The following DGAT2 variants were observed in gnomAD, a reference collection of about 807,000 sequenced individuals.
DGAT2 encodes the protein acyl-CoA retinol O-fatty-acyltransferase.
In DGAT2, 33 loss-of-function variants were observed where a neutral mutation model predicts 48.4. The ratio of observed to expected loss-of-function variants is 0.68; its 90% CI spans 0.52 to 0.91. The LOEUF is 0.91. Ranked by LOEUF, DGAT2 falls within the 40% of genes least tolerant of loss-of-function variation. The probability of loss-of-function intolerance (pLI) is 0.00; values close to 1 mark genes in which losing one functional copy is unlikely to be tolerated. For missense variants in DGAT2, 446 were observed against 493.7 expected (o/e 0.90, Z 0.92); for synonymous variants, 191 against 194.1 (o/e 0.98, Z 0.13).
intron 2 of DGAT2, among the ~76,000 whole-genome samples, chr11:75,786,816 C>T (rs1242406862): frequency 6.6e-6 from 1 of 152,230 alleles, no homozygotes; most frequent in Non-Finnish European, 1.5e-5. Context: ...AGAGATTTTT[C>T]ACCACTTTGT....
At chr11:75,769,813 C>G (rs1310259067) in intron 1 of DGAT2, among the ~76,000 whole-genome samples, 1 of 152,046 alleles carries the variant, frequency 6.6e-6, no homozygotes, top group Non-Finnish European at 1.5e-5. Context: ...ATGCCTTGAC[C>G]CCTGGATTCA....
In DGAT2 at chr11:75,800,790, A is replaced by G. The variant is rs1945105309; in HGVS notation, c.*282A>G. ...CTTCCTGAAGTGACAAAGGAAACTC[A>G]GTCTTCTTGGGGAAGAAGGATTGCC... On this transcript the variant is annotated 3_prime_UTR_variant, in exon 8 of 8. Transcript: ENST00000228027. The G allele has an allele frequency of 5.5e-6, 2 of 365,286 alleles. No individual in the cohort carries two copies. The highest frequency in any genetic ancestry group is 2.1e-5 in the African/African-American group (1 of 47,068). The allele number at this position is 365,286 out of a possible 1,614,324, so 22.6% of individuals were successfully genotyped here.
At chr11:75,792,512 C>T (rs997289208) in intron 4 of DGAT2, 2 of 152,120 alleles carry the variant, frequency 1.3e-5, no homozygotes, top group Admixed American at 1.3e-4. Flanking sequence ...TTTTCCTGGC[C>T]TCTTGCCAGT....
At chr11:75,784,825 C>G in intron 2 of DGAT2, 79 bp downstream of exon 2, 1 of 1,588,876 alleles carries the variant, frequency 6.3e-7, no homozygotes, top group Non-Finnish European at 8.6e-7. Flanking sequence ...GAGCCCTGCT[C>G]TACAGGGGTG....
intron 1 of DGAT2, among the ~76,000 whole-genome samples, chr11:75,782,184 C>T (rs563113130): frequency 8.5e-5 from 13 of 152,278 alleles, no homozygotes; most frequent in Middle Eastern, 3.4e-3. Context: ...TGGTGTTCCC[C>T]GGTGCTGTGT....
At chr11:75,785,096 C>CTCA (rs952711704) in intron 2 of DGAT2, among the ~76,000 whole-genome samples, 1 of 152,196 alleles carries the variant, frequency 6.6e-6, no homozygotes, top group Non-Finnish European at 1.5e-5. Flanking sequence ...TGCCACCCTG[C>CTCA]CCACCAACAG....
At chr11:75,786,045 A>G (rs894341606) in intron 2 of DGAT2, among the ~76,000 whole-genome samples, 1 of 152,238 alleles carries the variant, frequency 6.6e-6, no homozygotes, top group Non-Finnish European at 1.5e-5. Context: ...GGGGGGATCC[A>G]TGAACCCTTA....
At chr11:75,780,998 T>C (rs1475735869) in intron 1 of DGAT2, among the ~76,000 whole-genome samples, 1 of 152,228 alleles carries the variant, frequency 6.6e-6, no homozygotes, top group Non-Finnish European at 1.5e-5. Context: ...GATCCAGATA[T>C]GGATCAGACC....
At chr11:75,798,158 G>T (rs1003523582) in intron 6 of DGAT2, 69 bp from the exon 7 acceptor site, 4 of 1,536,676 alleles carry the variant, frequency 2.6e-6, no homozygotes, top group African/African-American at 2.7e-5. Context: ...AGTGTCCAGG[G>T]CCTCTAGGCT....
intron 1 of DGAT2, among the ~76,000 whole-genome samples, chr11:75,784,029 G>C (rs181459900): frequency 8.5e-5 from 13 of 152,220 alleles, no homozygotes; most frequent in African/African-American, 1.2e-4. Flanking sequence ...ACATCTCTCT[G>C]AAAGTGGTAG....
In DGAT2 at chr11:75,800,778, C is replaced by T. The variant is rs1326959246; in HGVS notation, c.*270C>T. On this transcript the variant is annotated 3_prime_UTR_variant, in exon 8 of 8. Transcript: ENST00000228027. ...CTCTCTTCTTCCCTTCCTGAAGTGACAAAGGAAACTCAGTCTTCTTGGGGA... is the reference window on the plus strand; with the variant it reads ...CTCTCTTCTTCCCTTCCTGAAGTGATAAAGGAAACTCAGTCTTCTTGGGGA... The T allele has an allele frequency of 2.6e-6, 1 of 387,632 alleles. No individual in the cohort carries two copies. The highest frequency in any genetic ancestry group is 4.7e-6 in the Non-Finnish European group (1 of 212,930). 24.0% of individuals were successfully genotyped at this position (387,632 alleles called of 1,614,324 possible). A position where few individuals can be genotyped will look rare whatever the true frequency, so the allele number is the denominator to read the frequency against.
Position 75,773,006 on chromosome 11 carries a change from A to C in DGAT2, c.121+3894A>C, listed in dbSNP as rs543319425. On this transcript the variant is annotated intron_variant, in intron 1 of 7. Coordinates refer to ENST00000228027, the MANE Select transcript of DGAT2 (RefSeq NM_032564.5). ...CTCCATCTCAAAACAAAACAAAAAG[A>C]ACAAACAGAAAAAGAATATGAGTCC... 2.0e-5 allele frequency among the ~76,000 whole-genome samples: 3 copies of C among 152,332 alleles called. No individual in the cohort carries two copies. The South Asian group carries it at 6.2e-4, about 32-fold the overall frequency.
At chr11:75,778,424 A>G (rs557439892) in intron 1 of DGAT2, among the ~76,000 whole-genome samples, 28 of 152,296 alleles carry the variant, frequency 1.8e-4, no homozygotes, top group African/African-American at 6.0e-4. Context: ...AGCCTCTGGA[A>G]AAACTCTGCT....
intron 1 of DGAT2, among the ~76,000 whole-genome samples, chr11:75,777,433 C>A (rs1438645013): frequency 6.6e-6 from 1 of 152,202 alleles, no homozygotes; most frequent in Admixed American, 6.5e-5. Flanking sequence ...ACCCATCAAA[C>A]AGGAGAGGAC....
intron 1 of DGAT2, among the ~76,000 whole-genome samples, chr11:75,769,446 TGGTATG>T (rs1182333610): frequency 6.6e-6 from 1 of 151,896 alleles, no homozygotes; most frequent in African/African-American, 2.4e-5. Flanking sequence ...ATGGGCAGGA[TGGTATG>T]GGTTTTGCCG....
chr11:75,785,921 T>C (rs1039322875), intron 2 of DGAT2, among the ~76,000 whole-genome samples: 5 of 152,238 alleles, frequency 3.3e-5, no homozygotes, highest in Non-Finnish European at 7.3e-5. Flanking sequence ...GTTGGGATTT[T>C]AGCAGAAACT....
chr11:75,771,793 A>G lies in DGAT2; in HGVS notation c.121+2681A>G, dbSNP rs147853708. 4.6e-3 allele frequency among the ~76,000 whole-genome samples: 706 copies of G among 152,292 alleles called. 4 individuals carry two copies. Among genetic ancestry groups the G allele is most frequent in the African/African-American group, 0.016 (645 of 41,548 alleles). On this transcript the variant is annotated intron_variant, in intron 1 of 7. Transcript: ENST00000228027. The stretch of plus-strand genomic sequence containing the variant: ...TTTGGGGCTGCGTCACCAAGGGCTC[A>G]TCTAGGCTGAGAAAGGAGGGCCAAG...
At chr11:75,786,968 CAT>C (rs1944929156) in intron 2 of DGAT2, among the ~76,000 whole-genome samples, 3 of 152,174 alleles carry the variant, frequency 2.0e-5, no homozygotes, top group Admixed American at 2.0e-4. Context: ...GCTGATTAGA[CAT>C]GTAGTAACAG....
intron 1 of DGAT2, 78 bp downstream of exon 1, chr11:75,769,190 T>C: frequency 6.9e-7 from 1 of 1,458,598 alleles, no homozygotes; most frequent in Admixed American, 2.7e-5. Flanking sequence ...TGGTGGGTAC[T>C]GATGAGTCCA....
Sources: allele counts gnomAD v4.1 joint callset (sites outside exome capture counted in the v4.1 genomes callset), GRCh38; gene constraint gnomAD v4.1.1; transcripts MANE v1.5; gene names NCBI Gene and HGNC (gene_info 2026-07-23, HGNC 2026-07-21).